HS6ST1: variants seen among roughly 807,000 people sequenced by gnomAD.
The protein encoded by HS6ST1 is heparan-sulfate 6-O-sulfotransferase 1.
HS6ST1 carries 3 observed loss-of-function variants against 25.2 expected under a neutral mutation model. That is an observed-to-expected ratio of 0.12 (90% CI 0.05 to 0.31). The LOEUF (loss-of-function observed/expected upper bound fraction) is 0.31. HS6ST1 is among the 10% of genes least tolerant of loss of function. The probability of loss-of-function intolerance (pLI) is 1.00; values close to 1 mark genes in which losing one functional copy is unlikely to be tolerated. For missense variants in HS6ST1, 310 were observed against 609.6 expected (o/e 0.51, Z 5.18); for synonymous variants, 204 against 275.1 (o/e 0.74, Z 2.56).
intron 1 of HS6ST1, among the ~76,000 whole-genome samples, chr2:128,292,947 C>T (rs1353970230): frequency 1.3e-5 from 2 of 152,130 alleles, no homozygotes; most frequent in Admixed American, 1.3e-4. Flanking sequence ...GTCAGCCTCC[C>T]CAACTCTGTT....
At chr2:128,304,793 A>C (rs953664886) in intron 1 of HS6ST1, among the ~76,000 whole-genome samples, 1 of 152,214 alleles carries the variant, frequency 6.6e-6, no homozygotes, top group African/African-American at 2.4e-5. Context: ...GGTCAGTGAG[A>C]GGACCCACCC....
chr2:128,316,428 C>G (rs1694363962), intron 1 of HS6ST1, among the ~76,000 whole-genome samples: 1 of 152,228 alleles, frequency 6.6e-6, no homozygotes, highest in Non-Finnish European at 1.5e-5. Flanking sequence ...GGTCAGTGAC[C>G]AACTCTGGGA....
intron 1 of HS6ST1, among the ~76,000 whole-genome samples, chr2:128,285,603 GTC>G (rs1693849077): frequency 0.023 from 1 of 44 alleles, no homozygotes; most frequent in Non-Finnish European, 0.056. Context: ...GGGCAGGGCT[GTC>G]TGCCAGCACC....
intron 1 of HS6ST1, among the ~76,000 whole-genome samples, chr2:128,309,783 C>A (rs995566182): frequency 2.6e-5 from 4 of 152,232 alleles, no homozygotes; most frequent in Non-Finnish European, 5.9e-5. Flanking sequence ...GAAGCCCTGG[C>A]CCCGCGGTCA....
chr2:128,279,290 T>C (rs1314290608), intron 1 of HS6ST1, among the ~76,000 whole-genome samples: 2 of 149,112 alleles, frequency 1.3e-5, no homozygotes, highest in South Asian at 2.1e-4. Flanking sequence ...TCCCTAAATG[T>C]GGGTGAGGAC....
intron 1 of HS6ST1, among the ~76,000 whole-genome samples, chr2:128,303,724 G>A (rs72969086): frequency 4.6e-5 from 7 of 152,330 alleles, no homozygotes; most frequent in Admixed American, 2.0e-4. Context: ...TTGGGAGAAC[G>A]CTACTGCAGC....
intron 1 of HS6ST1, among the ~76,000 whole-genome samples, chr2:128,308,420 C>T (rs916494558): frequency 6.6e-6 from 1 of 152,204 alleles, no homozygotes; most frequent in African/African-American, 2.4e-5. Context: ...AGCCTCTGTG[C>T]AGGGCCAGCA....
At chr2:128,316,390 C>A (rs1338587971) in intron 1 of HS6ST1, among the ~76,000 whole-genome samples, 2 of 152,236 alleles carry the variant, frequency 1.3e-5, no homozygotes, top group Admixed American at 6.5e-5. Context: ...TTGCACCCCC[C>A]ACAGGTAGGG....
intron 1 of HS6ST1, among the ~76,000 whole-genome samples, chr2:128,278,157 C>T (rs769826726): frequency 3.9e-5 from 6 of 152,226 alleles, no homozygotes; most frequent in East Asian, 3.9e-4. Context: ...CAGGCAGGCA[C>T]GAGCTGAGGC....
At chr2:128,283,989 T>C (rs1693823991) in intron 1 of HS6ST1, among the ~76,000 whole-genome samples, 1 of 152,160 alleles carries the variant, frequency 6.6e-6, no homozygotes, top group African/African-American at 2.4e-5. Context: ...GGGTGGCCCT[T>C]TCACCTGCCG....
rs1669479997 is a variant in HS6ST1, at chr2:128,267,571, ACTCGAGT to A, written c.*584_*590del. 2 of 156,980 alleles carry A rather than the reference ACTCGAGT, an allele frequency of 1.3e-5. No individual in the cohort carries two copies. Among genetic ancestry groups the A allele is most frequent in the Non-Finnish European group, 2.8e-5 (2 of 70,856 alleles). 9.7% of individuals were successfully genotyped at this position (156,980 alleles called of 1,614,324 possible). ...GGGGAGCAGGCTTCCTGGGGGCTGG[ACTCGAGT>A]CTTCTCTGCCTCAGATGGGGTGGGC... On this transcript the variant is annotated 3_prime_UTR_variant, in exon 2 of 2. Transcript: ENST00000259241.
intron 1 of HS6ST1, among the ~76,000 whole-genome samples, chr2:128,282,208 G>T (rs1027180346): frequency 6.6e-6 from 1 of 152,264 alleles, no homozygotes; most frequent in African/African-American, 2.4e-5. Flanking sequence ...CAGTGCATCA[G>T]TGAAGAGTCA....
intron 1 of HS6ST1, among the ~76,000 whole-genome samples, chr2:128,283,868 C>T (rs1411707870): frequency 6.6e-6 from 1 of 152,190 alleles, no homozygotes; most frequent in Non-Finnish European, 1.5e-5. Context: ...CCACTGCAAG[C>T]CTGGGTTAAA....
At chr2:128,297,867 T>C (rs141053365) in intron 1 of HS6ST1, among the ~76,000 whole-genome samples, 1 of 152,244 alleles carries the variant, frequency 6.6e-6, no homozygotes, top group Non-Finnish European at 1.5e-5. Flanking sequence ...TTGAAAATAT[T>C]TGTGCATCAA....
At chr2:128,310,525 C>CTGAGCA (rs1343437442) in intron 1 of HS6ST1, among the ~76,000 whole-genome samples, 1 of 152,218 alleles carries the variant, frequency 6.6e-6, no homozygotes, top group African/African-American at 2.4e-5. Flanking sequence ...TCAGGAGCAA[C>CTGAGCA]TGGTGGCATG....
At chr2:128,281,530 C>T (rs560871424) in intron 1 of HS6ST1, among the ~76,000 whole-genome samples, 7 of 152,304 alleles carry the variant, frequency 4.6e-5, no homozygotes, top group Non-Finnish European at 1.0e-4. Flanking sequence ...GATGTGACCG[C>T]GGAGCACCAG....
intron 1 of HS6ST1, among the ~76,000 whole-genome samples, chr2:128,277,410 C>A (rs990260342): frequency 6.6e-6 from 1 of 152,240 alleles, no homozygotes; most frequent in Non-Finnish European, 1.5e-5. Flanking sequence ...GGGGCACACA[C>A]TGGTCACTTG....
chr2:128,273,353 C>G (rs1334742725), intron 1 of HS6ST1, among the ~76,000 whole-genome samples: 1 of 152,244 alleles, frequency 6.6e-6, no homozygotes, highest in Admixed American at 6.5e-5. Context: ...AAAGGGCCAG[C>G]CAGACTCTAG....
At chr2:128,298,365 A>G (rs1361745676) in intron 1 of HS6ST1, among the ~76,000 whole-genome samples, 1 of 152,238 alleles carries the variant, frequency 6.6e-6, no homozygotes, top group African/African-American at 2.4e-5. Context: ...AGATATTTGT[A>G]CACCCATGTT....
Sources: allele counts gnomAD v4.1 joint callset (sites outside exome capture counted in the v4.1 genomes callset), GRCh38; gene constraint gnomAD v4.1.1; transcripts MANE v1.5; gene names NCBI Gene and HGNC (gene_info 2026-07-23, HGNC 2026-07-21).